ATOSA: variants seen among roughly 807,000 people sequenced by gnomAD.
ATOSA encodes the protein atos homolog protein A.
At chr15:52,584,093 A>G in the ATOSA span, among the ~76,000 whole-genome samples, 1 of 148,898 alleles carries the variant, frequency 6.7e-6, no homozygotes, top group Non-Finnish European at 1.5e-5. Flanking sequence ...TCAAGAAGAA[A>G]AAAAAAAAAA....
the ATOSA span, among the ~76,000 whole-genome samples, chr15:52,702,432 A>G: frequency 6.6e-6 from 1 of 152,216 alleles, no homozygotes; most frequent in Non-Finnish European, 1.5e-5. Context: ...AACCATAAAA[A>G]GAAAACAAAA....
At chr15:52,625,342 G>A in the ATOSA span, among the ~76,000 whole-genome samples, 1,120 of 152,048 alleles carry the variant, frequency 7.4e-3, 15 homozygotes, top group African/African-American at 0.025. Context: ...GAGTGACCAC[G>A]GCTATAAGTG....
the ATOSA span, chr15:52,608,494 A>G: frequency 6.9e-7 from 1 of 1,447,502 alleles, no homozygotes; most frequent in Non-Finnish European, 9.2e-7. Context: ...CTTTATAACC[A>G]GATCTCCTGT....
chr15:52,646,491 G>T, the ATOSA span, among the ~76,000 whole-genome samples: 1 of 152,132 alleles, frequency 6.6e-6, no homozygotes, highest in Non-Finnish European at 1.5e-5. Context: ...TTCCAGGCTG[G>T]TCCTTTTGTG....
chr15:52,700,350 A>G, the ATOSA span, among the ~76,000 whole-genome samples: 9 of 152,306 alleles, frequency 5.9e-5, no homozygotes, highest in Admixed American at 5.9e-4. Flanking sequence ...TATAACCCAC[A>G]GTGTAGGAGT....
the ATOSA span, among the ~76,000 whole-genome samples, chr15:52,669,086 T>C: frequency 1.3e-5 from 2 of 151,802 alleles, no homozygotes; most frequent in Non-Finnish European, 2.9e-5. Context: ...CCCAGCTAAT[T>C]TTTTTGTATT....
the ATOSA span, chr15:52,586,949 C>T: frequency 4.8e-6 from 5 of 1,042,096 alleles, no homozygotes; most frequent in African/African-American, 1.6e-5. Flanking sequence ...TAAGTATTCA[C>T]CTTGATTAGC....
chr15:52,595,530 G>A, the ATOSA span, among the ~76,000 whole-genome samples: 4 of 149,986 alleles, frequency 2.7e-5, no homozygotes, highest in African/African-American at 7.4e-5. Context: ...GCCCCACTCA[G>A]TGCAGTATGA....
the ATOSA span, among the ~76,000 whole-genome samples, chr15:52,582,508 A>G: frequency 6.6e-6 from 1 of 152,322 alleles, no homozygotes; most frequent in East Asian, 1.9e-4. Flanking sequence ...CATTCCCTAA[A>G]TAACTCATAC....
the ATOSA span, among the ~76,000 whole-genome samples, chr15:52,598,060 G>C: frequency 2.6e-5 from 4 of 152,130 alleles, no homozygotes; most frequent in African/African-American, 9.7e-5. Context: ...GGAGGCGGAG[G>C]TTGCAGTGAG....
chr15:52,626,076 A>C, the ATOSA span, among the ~76,000 whole-genome samples: 1 of 152,216 alleles, frequency 6.6e-6, no homozygotes, highest in Non-Finnish European at 1.5e-5. Flanking sequence ...TATAAGTGTT[A>C]AATTTAAAAT....
chr15:52,662,016 G>C, the ATOSA span, among the ~76,000 whole-genome samples: 1 of 149,210 alleles, frequency 6.7e-6, no homozygotes, highest in African/African-American at 2.5e-5. Flanking sequence ...CAAAATTATC[G>C]AATCTAATCT....
the ATOSA span, chr15:52,655,960 T>G: frequency 6.6e-6 from 1 of 152,156 alleles, no homozygotes; most frequent in Non-Finnish European, 1.5e-5. Flanking sequence ...TGAAGTTTCC[T>G]CTTTCCCTTT....
the ATOSA span, among the ~76,000 whole-genome samples, chr15:52,700,299 A>T: frequency 6.6e-6 from 1 of 152,196 alleles, no homozygotes; most frequent in Non-Finnish European, 1.5e-5. Flanking sequence ...TCCTAAACCC[A>T]CTTATTGCCT....
chr15:52,660,578 G>A, the ATOSA span, among the ~76,000 whole-genome samples: 1 of 152,116 alleles, frequency 6.6e-6, no homozygotes, highest in Non-Finnish European at 1.5e-5. Context: ...TTTATCTTAC[G>A]CACTGAAGAA....
the ATOSA span, among the ~76,000 whole-genome samples, chr15:52,617,235 T>C: frequency 6.6e-6 from 1 of 152,166 alleles, no homozygotes; most frequent in African/African-American, 2.4e-5. Flanking sequence ...CTCTCCCTGC[T>C]TTCCCCCACC....
At chr15:52,627,572 A>G in the ATOSA span, among the ~76,000 whole-genome samples, 4 of 152,186 alleles carry the variant, frequency 2.6e-5, no homozygotes, top group Non-Finnish European at 5.9e-5. Context: ...AGTATGACCA[A>G]CTGAAGAATT....
the ATOSA span, among the ~76,000 whole-genome samples, chr15:52,627,951 T>C: frequency 9.9e-5 from 15 of 152,164 alleles, no homozygotes; most frequent in Non-Finnish European, 1.6e-4. Context: ...TTCATCACAC[T>C]AAATCTCACA....
the ATOSA span, among the ~76,000 whole-genome samples, chr15:52,633,477 T>C: frequency 6.6e-6 from 1 of 152,018 alleles, no homozygotes; most frequent in Non-Finnish European, 1.5e-5. Flanking sequence ...GCTGAAGCAC[T>C]GGGAAAGCCA....
Sources: allele counts gnomAD v4.1 joint callset (sites outside exome capture counted in the v4.1 genomes callset), GRCh38; gene constraint gnomAD v4.1.1; transcripts MANE v1.5; gene names NCBI Gene and HGNC (gene_info 2026-07-23, HGNC 2026-07-21).